VIT: variants seen among roughly 807,000 people sequenced by gnomAD.
VIT encodes vitrin.
VIT carries 99 observed loss-of-function variants against 78.0 expected under a neutral mutation model. That is an observed-to-expected ratio of 1.27 (90% CI 1.08 to 1.50). VIT has a LOEUF of 1.50. Ranked by LOEUF, VIT falls within the 40% of genes most tolerant of loss-of-function variation. The pLI, the probability that VIT is intolerant of heterozygous loss-of-function variation, is 0.00. For missense variants in VIT, 1,126 were observed against 875.3 expected (o/e 1.29, Z -3.61); for synonymous variants, 374 against 334.3 (o/e 1.12, Z -1.29).
chr2:36,731,682 T>C (rs1667219362), intron 3 of VIT, among the ~76,000 whole-genome samples: 1 of 152,280 alleles, frequency 6.6e-6, no homozygotes, highest in African/African-American at 2.4e-5. Context: ...AAGACACAGA[T>C]GGAAAACTCA....
intron 5 of VIT, among the ~76,000 whole-genome samples, chr2:36,757,530 G>C (rs1191019636): frequency 6.6e-6 from 1 of 152,154 alleles, no homozygotes; most frequent in Non-Finnish European, 1.5e-5. Flanking sequence ...TGCAGATAAA[G>C]TGTGGCCCAC....
intron 7 of VIT, among the ~76,000 whole-genome samples, chr2:36,767,833 A>C (rs1669526196): frequency 6.6e-6 from 1 of 151,520 alleles, no homozygotes; most frequent in South Asian, 2.1e-4. Flanking sequence ...TGATCATCTG[A>C]TCTCATTTCT....
rs752668174 is a variant in VIT at position 36,801,403 on chromosome 2, A to C, written c.1161A>C (p.Val387=). The change falls in exon 13 of 16, where the codon GTA becomes GTC. Residue 387 remains valine, a splice_region_variant and synonymous_variant. Transcript: ENST00000379242. The part of the protein sequence containing the change: ...KITQRGGLSN[V]GRAISFVTKN... ...CTCAGAGAGGAGGACTTTCTAATGT[A>C]GGTATGTGATCCGGATTCAAATTAT... 1.0e-4 allele frequency: 161 copies of C among 1,606,186 alleles called. No individual in the cohort carries two copies. The highest frequency in any genetic ancestry group is 1.3e-4 in the Non-Finnish European group (150 of 1,173,304).
At chr2:36,767,371 G>A in intron 7 of VIT, 86 bp downstream of exon 7, 1 of 1,332,200 alleles carries the variant, frequency 7.5e-7, no homozygotes, top group Non-Finnish European at 9.8e-7. Context: ...AGCATCTACT[G>A]GGCTGGGTGA....
At chr2:36,705,179 A>C (rs1016844517) in intron 1 of VIT, among the ~76,000 whole-genome samples, 17 of 152,182 alleles carry the variant, frequency 1.1e-4, no homozygotes, top group Non-Finnish European at 4.4e-5. Flanking sequence ...CAGGGTAACT[A>C]AGAGGAGCAA....
chr2:36,766,725 C>T (rs1669452545), intron 6 of VIT, among the ~76,000 whole-genome samples: 2 of 152,054 alleles, frequency 1.3e-5, no homozygotes, highest in South Asian at 4.2e-4. Context: ...TCTTCTATTC[C>T]AAGGCCAATG....
chr2:36,755,182 G>A (rs1668691276), intron 5 of VIT, 128 bp downstream of exon 5: 1 of 1,063,528 alleles, frequency 9.4e-7, no homozygotes, highest in Non-Finnish European at 1.3e-6. Flanking sequence ...TCGTTTTTCT[G>A]ATAATTAGAA....
chr2:36,813,779 C>A (rs1667365282), intron 15 of VIT, among the ~76,000 whole-genome samples: 1 of 152,180 alleles, frequency 6.6e-6, no homozygotes, highest in Non-Finnish European at 1.5e-5. Context: ...GTAGAGCAGG[C>A]ATGTGTCATG....
intron 12 of VIT, among the ~76,000 whole-genome samples, chr2:36,796,397 G>A (rs1458725241): frequency 6.6e-6 from 1 of 152,138 alleles, no homozygotes; most frequent in Non-Finnish European, 1.5e-5. Flanking sequence ...TGGAAGGAAT[G>A]GCTCAGTACT....
intron 13 of VIT, among the ~76,000 whole-genome samples, chr2:36,803,422 G>A (rs980974021): frequency 6.6e-6 from 1 of 152,196 alleles, no homozygotes; most frequent in African/African-American, 2.4e-5. Context: ...TGGAATGTGT[G>A]TTGAGCACTA....
intron 15 of VIT, among the ~76,000 whole-genome samples, chr2:36,813,840 C>A (rs1315120682): frequency 2.0e-5 from 3 of 152,172 alleles, no homozygotes; most frequent in African/African-American, 7.2e-5. Flanking sequence ...AAATATCTTC[C>A]CCTCTTCTAT....
chr2:36,798,935 G>A (rs1031799239), intron 12 of VIT, among the ~76,000 whole-genome samples: 21 of 152,240 alleles, frequency 1.4e-4, no homozygotes, highest in Admixed American at 7.8e-4. Flanking sequence ...GGAAGGTCAC[G>A]CCCAGCTCAA....
intron 6 of VIT, chr2:36,759,560 G>C: frequency 1.9e-6 from 2 of 1,054,794 alleles, no homozygotes; most frequent in Non-Finnish European, 2.3e-6. Flanking sequence ...TAGACCTCAG[G>C]CCAAGAAAAT....
At chr2:36,771,329 C>A (rs984529198) in intron 7 of VIT, among the ~76,000 whole-genome samples, 2 of 152,048 alleles carry the variant, frequency 1.3e-5, no homozygotes, top group Non-Finnish European at 2.9e-5. Context: ...GAAGTTCGAC[C>A]AGTCTGGCCA....
At chr2:36,800,962 C>A (rs1443828851) in intron 12 of VIT, among the ~76,000 whole-genome samples, 1 of 152,116 alleles carries the variant, frequency 6.6e-6, no homozygotes, top group Non-Finnish European at 1.5e-5. Flanking sequence ...CAGATGGGAT[C>A]CTGACATTTG....
chr2:36,802,312 G>C (rs769357120), intron 13 of VIT, among the ~76,000 whole-genome samples: 9 of 152,218 alleles, frequency 5.9e-5, no homozygotes, highest in Non-Finnish European at 1.2e-4. Context: ...TTGGGCACTG[G>C]AGGGAGACTG....
chr2:36,808,352 G>A, intron 14 of VIT, 120 bp from the exon 15 acceptor site: 1 of 1,332,640 alleles, frequency 7.5e-7, no homozygotes, highest in African/African-American at 1.5e-5. Context: ...ACGGTAGGAG[G>A]GCTAGTGCAG....
chr2:36,814,665 T>A lies in VIT; in HGVS notation c.*304T>A. 1 of 264,016 alleles carries A rather than the reference T, an allele frequency of 3.8e-6. No individual in the cohort carries two copies. Among genetic ancestry groups the A allele is most frequent in the African/African-American group, 2.2e-5 (1 of 45,854 alleles). 16.4% of individuals were successfully genotyped at this position (264,016 alleles called of 1,614,324 possible). A position where few individuals can be genotyped will look rare whatever the true frequency, so the allele number is the denominator to read the frequency against. On this transcript the variant is annotated 3_prime_UTR_variant, in exon 16 of 16. Transcript: ENST00000379242. The stretch of plus-strand genomic sequence containing the variant: ...ATACAGTGCAGCCCTTACGACAGGC[T>A]TACGTAGAGCTTTTGTGAGATTTTT...
chr2:36,790,164 C>T (rs994289277), intron 12 of VIT, among the ~76,000 whole-genome samples: 6 of 152,148 alleles, frequency 3.9e-5, no homozygotes, highest in African/African-American at 1.4e-4. Flanking sequence ...ATCTTGACTC[C>T]TCAATCTCCT....
Sources: gnomAD v4.1 joint callset for allele counts (sites outside exome capture counted in the v4.1 genomes callset) on GRCh38, gnomAD v4.1.1 for gene constraint, MANE v1.5 for transcripts, NCBI Gene and HGNC (gene_info 2026-07-23, HGNC 2026-07-21) for gene names.